The following CAMK2G variants were observed in gnomAD, a reference collection of about 807,000 sequenced individuals.
CAMK2G encodes calcium/calmodulin-dependent protein kinase type II subunit gamma.
Under a neutral mutation model 88.7 loss-of-function variants are expected in CAMK2G, and 23 were observed. The ratio of observed to expected loss-of-function variants is 0.26; its 90% CI spans 0.19 to 0.37. The LOEUF (loss-of-function observed/expected upper bound fraction) is 0.37. CAMK2G is among the 10% of genes least tolerant of loss of function. CAMK2G has a pLI of 1.00. For synonymous variants in CAMK2G, 263 were observed against 294.8 expected, an observed-to-expected ratio of 0.89 and a Z score of 1.11; for missense variants, 476 against 780.8, an observed-to-expected ratio of 0.61 and a Z score of 4.65.
At chr10:73,832,512 G>T (rs1389461894) in intron 14 of CAMK2G, among the ~76,000 whole-genome samples, 2 of 151,938 alleles carry the variant, frequency 1.3e-5, no homozygotes, top group African/African-American at 4.8e-5. Flanking sequence ...TCACCATGTT[G>T]GCCAGGCTGG....
At chr10:73,852,485 C>A in intron 4 of CAMK2G, 166 bp from the exon 5 acceptor site, 2 of 620,806 alleles carry the variant, frequency 3.2e-6, no homozygotes, top group Non-Finnish European at 2.9e-6. Flanking sequence ...TCAGTGACAC[C>A]CGGATTCTCC....
At position 73,842,148 on chromosome 10, in the gene CAMK2G, T is replaced by TA; in HGVS notation, c.946+20dup. 6.2e-7 allele frequency: 1 copy of TA among 1,602,968 alleles called. No individual in the cohort carries two copies. The highest frequency in any genetic ancestry group is 1.3e-5 in the African/African-American group (1 of 74,742). On this transcript the variant is annotated intron_variant, in intron 12 of 22. Coordinates refer to ENST00000423381, the MANE Select transcript of CAMK2G (RefSeq NM_001367534.1). The surrounding 1 kb of genome is among the most constrained non-coding windows in gnomAD (Gnocchi z 4.6). Reference sequence around the variant, plus strand: ...TCCACTCACCTCGGCATAATCAAAGTACACAGCTGGGAAAACATACCTGAG... The same window carrying TA: ...TCCACTCACCTCGGCATAATCAAAGTAACACAGCTGGGAAAACATACCTGAG...
chr10:73,852,886 T>C (rs2094734030), intron 4 of CAMK2G: 1 of 388,786 alleles, frequency 2.6e-6, no homozygotes, highest in East Asian at 4.7e-5. Context: ...TGCAAAGAGC[T>C]GTCTTTTATT....
Position 73,848,827 on chromosome 10 carries a change from C to A in CAMK2G, c.517+186G>T, listed in dbSNP as rs2094429779. 6.6e-6 allele frequency among the ~76,000 whole-genome samples: 1 copy of A among 152,254 alleles called. No homozygotes were observed. The highest frequency in any genetic ancestry group is 6.5e-5 in the Admixed American group (1 of 15,294). On this transcript the variant is annotated intron_variant, in intron 7 of 22. Transcript: ENST00000423381. The surrounding 1 kb of genome is among the most constrained non-coding windows in gnomAD (Gnocchi z 4.5). ...TGCCTACCAGGAACTCCAGCTCCTT[C>A]CCACAGGCAGCAAGAAAGCAGTGCT...
At chr10:73,817,002 C>T in intron 21 of CAMK2G, 21 bp downstream of exon 21, 1 of 1,614,070 alleles carries the variant, frequency 6.2e-7, no homozygotes, top group Non-Finnish European at 8.5e-7. Flanking sequence ...AGGAGTATAT[C>T]AGCAGCACGA....
rs2094463426 is a variant in CAMK2G, at chr10:73,849,297, G to A, written c.378C>T (p.His126=). 1 of 1,613,736 alleles carries A rather than the reference G, an allele frequency of 6.2e-7. No individual in the cohort carries two copies. The highest frequency in any genetic ancestry group is 8.5e-7 in the Non-Finnish European group (1 of 1,179,768). The stretch of plus-strand genomic sequence containing the variant: ...TGTGGACGATGTCATGCTGGTGGAT[G>A]TGGTTAACACTCTCCAGAATCTGAT... ...CIHQILESVN[H]IHQHDIVHRD... Residue 126 remains histidine (H), a synonymous_variant, in exon 6 of 23, where the codon CAC becomes CAT. Coordinates refer to ENST00000423381, the MANE Select transcript of CAMK2G (RefSeq NM_001367534.1).
At chr10:73,865,774 C>G (rs765272470) in intron 2 of CAMK2G, among the ~76,000 whole-genome samples, 48 of 152,142 alleles carry the variant, frequency 3.2e-4, no homozygotes, top group Non-Finnish European at 6.3e-4. Context: ...CCTTGAGACA[C>G]CCCTCCTTCC....
chr10:73,834,015 T>C (rs2092894133), intron 14 of CAMK2G, among the ~76,000 whole-genome samples: 2 of 137,378 alleles, frequency 1.5e-5, no homozygotes, highest in African/African-American at 5.5e-5. Context: ...GCCTCCCGGG[T>C]TCACGCCATT....
intron 14 of CAMK2G, 159 bp downstream of exon 14, chr10:73,837,309 C>A: frequency 1.4e-6 from 1 of 725,890 alleles, no homozygotes; most frequent in Non-Finnish European, 2.6e-6. Context: ...CCCTCTCAGG[C>A]CAGCAGAACC....
At chr10:73,867,100 T>C (rs2095624124) in intron 2 of CAMK2G, among the ~76,000 whole-genome samples, 1 of 152,086 alleles carries the variant, frequency 6.6e-6, no homozygotes, top group South Asian at 2.1e-4. Flanking sequence ...CCTGAAATGG[T>C]CCCATGTGAA....
Position 73,839,573 on chromosome 10 carries a change from C to G in CAMK2G, c.975G>C (p.Ser325=). The G allele has an allele frequency of 8.1e-7, 1 of 1,234,604 alleles. No individual in the cohort carries two copies. The highest frequency in any genetic ancestry group is 1.0e-6 in the Non-Finnish European group (1 of 987,798). 76.5% of individuals were successfully genotyped at this position (1,234,604 alleles called of 1,614,324 possible). ...CCAGGCCGGCGGCGCTCGCGGCAGG[C>G]GAGGCGGGGGCGGAGCTCTGCCTGC... ...SVGRQSSAPA[S]PAASAAGLAG... Residue 325 remains serine (S), a synonymous_variant, in exon 13 of 23, where the codon TCG becomes TCC. Coordinates refer to ENST00000423381, the MANE Select transcript of CAMK2G (RefSeq NM_001367534.1). The surrounding 1 kb of genome is among the most constrained non-coding windows in gnomAD (Gnocchi z 4.2).
chr10:73,849,185 A>G, intron 6 of CAMK2G, 70 bp from the exon 7 acceptor site: 1 of 1,561,108 alleles, frequency 6.4e-7, no homozygotes, highest in Non-Finnish European at 8.8e-7. Flanking sequence ...GTTTGGGCCT[A>G]CGCAGTACCA....
intron 14 of CAMK2G, among the ~76,000 whole-genome samples, chr10:73,831,374 C>A (rs2092402469): frequency 6.6e-6 from 1 of 151,624 alleles, no homozygotes; most frequent in African/African-American, 2.4e-5. Context: ...CCCGTCTCTA[C>A]TAAAAATATA....
In CAMK2G at chr10:73,842,325, C is replaced by T; in HGVS notation, c.904-114G>A. On this transcript the variant is annotated intron_variant, in intron 11 of 22. Transcript: ENST00000423381. The surrounding 1 kb of genome is among the most constrained non-coding windows in gnomAD (Gnocchi z 4.6). ...TGAAGACATCAGGCCTCTGGGCCCC[C>T]TCCCCTGTGACATGTACAACCTTCA... The T allele has an allele frequency of 8.6e-7, 1 of 1,156,470 alleles. No individual in the cohort carries two copies. The highest frequency in any genetic ancestry group is 1.2e-5 in the South Asian group (1 of 81,418). The allele number at this position is 1,156,470 out of a possible 1,614,324, so 71.6% of individuals were successfully genotyped here.
At chr10:73,836,545 A>G (rs1255870355) in intron 14 of CAMK2G, among the ~76,000 whole-genome samples, 1 of 152,230 alleles carries the variant, frequency 6.6e-6, no homozygotes, top group African/African-American at 2.4e-5. Context: ...GAGGGGCGGA[A>G]GAACACAGAA....
At chr10:73,866,779 T>C (rs1380607200) in intron 2 of CAMK2G, among the ~76,000 whole-genome samples, 3 of 152,134 alleles carry the variant, frequency 2.0e-5, no homozygotes, top group African/African-American at 7.2e-5. Context: ...TCTGGTCCCC[T>C]TGGCACTCTG....
chr10:73,832,692 T>G (rs1186538634), intron 14 of CAMK2G, among the ~76,000 whole-genome samples: 1 of 152,230 alleles, frequency 6.6e-6, no homozygotes, highest in Non-Finnish European at 1.5e-5. Flanking sequence ...CCTACGGTCA[T>G]GAAAATTAAT....
At chr10:73,857,610 T>G (rs748185056) in intron 3 of CAMK2G, among the ~76,000 whole-genome samples, 2 of 152,140 alleles carry the variant, frequency 1.3e-5, no homozygotes, top group Non-Finnish European at 2.9e-5. Context: ...GTTTGAGAAG[T>G]GCTGCTCTAA....
chr10:73,824,314 G>A (rs1338313780), intron 16 of CAMK2G, among the ~76,000 whole-genome samples: 1 of 152,198 alleles, frequency 6.6e-6, no homozygotes, highest in Non-Finnish European at 1.5e-5. Flanking sequence ...GAGAGGCCTG[G>A]CAGGTGCAGG....
Sources: allele counts gnomAD v4.1 joint callset (sites outside exome capture counted in the v4.1 genomes callset), GRCh38; gene constraint gnomAD v4.1.1; non-coding constraint Gnocchi (gnomAD v3.1); transcripts MANE v1.5; gene names NCBI Gene and HGNC (gene_info 2026-07-23, HGNC 2026-07-21).